Variants in FHIT observed in about 807,000 individuals in gnomAD.
FHIT encodes the protein bis(5'-adenosyl)-triphosphatase.
In FHIT, 19 loss-of-function variants were observed where a neutral mutation model predicts 17.9. The ratio of observed to expected loss-of-function variants is 1.06; its 90% confidence interval spans 0.74 to 1.56. The LOEUF (loss-of-function observed/expected upper bound fraction) is 1.56, where lower values mean the gene tolerates loss of function less well. FHIT is among the 40% of genes most tolerant of loss of function. The pLI is 0.00. For missense variants in FHIT, 248 were observed against 189.2 expected (o/e 1.31, Z -1.82); for synonymous variants, 81 against 69.7 (o/e 1.16, Z -0.81).
intron 3 of FHIT, among the ~76,000 whole-genome samples, chr3:60,849,808 CTCCAAGGA>C (rs1703077635): frequency 6.6e-6 from 1 of 151,908 alleles, no homozygotes. Flanking sequence ...TCCCATGTCT[CTCCAAGGA>C]GCAATTCCTA....
intron 5 of FHIT, among the ~76,000 whole-genome samples, chr3:60,441,769 T>TACACACACAC (rs1491410831): frequency 3.4e-5 from 1 of 29,616 alleles, no homozygotes; most frequent in African/African-American, 6.7e-5. Context: ...TATATATATA[T>TACACACACAC]TTATATGTAT....
chr3:59,756,150 T>C (rs556832207), intron 8 of FHIT, among the ~76,000 whole-genome samples: 1 of 152,194 alleles, frequency 6.6e-6, no homozygotes, highest in Admixed American at 6.5e-5. Context: ...ACAGAGGTTG[T>C]TTCTAGGAGT....
chr3:60,267,349 C>T (rs962775206), intron 5 of FHIT, among the ~76,000 whole-genome samples: 1 of 151,784 alleles, frequency 6.6e-6, no homozygotes, highest in Non-Finnish European at 1.5e-5. Flanking sequence ...GAAATGCTTG[C>T]AAATTGCATA....
intron 5 of FHIT, among the ~76,000 whole-genome samples, chr3:60,024,226 T>G (rs568075488): frequency 6.6e-6 from 1 of 152,190 alleles, no homozygotes; most frequent in African/African-American, 2.4e-5. Context: ...CTAATGTTAA[T>G]AGAAACATCC....
chr3:60,654,062 C>T (rs2040059397), intron 4 of FHIT, among the ~76,000 whole-genome samples: 1 of 151,344 alleles, frequency 6.6e-6, no homozygotes, highest in South Asian at 2.1e-4. Flanking sequence ...TGTAGCACCT[C>T]GCTTCCCCAC....
chr3:60,859,493 G>A (rs1703528856), intron 3 of FHIT, among the ~76,000 whole-genome samples: 1 of 151,974 alleles, frequency 6.6e-6, no homozygotes, highest in South Asian at 2.1e-4. Flanking sequence ...GGGTCCAAAT[G>A]ACTGAGTTCC....
rs13069423 is a variant in FHIT at position 59,747,346 on chromosome 3, A to G, written c.*2239T>C. On this transcript the variant is annotated 3_prime_UTR_variant, in exon 10 of 10. Transcript: ENST00000492590. ...GAAGGCAAAAGAGGAGCAAAGCCAC[A>G]TCTTACATGGCAGCAGGCAAGACAG... is the stretch of plus-strand genomic sequence containing the variant. 0.048 allele frequency among the ~76,000 whole-genome samples: 7,298 copies of G among 152,182 alleles called. 256 individuals are homozygous for G. Among genetic ancestry groups the G allele is most frequent in the East Asian group, 0.17 (872 of 5,132 alleles).
At chr3:60,114,489 C>CATTTTTTTTTT (rs1704860358) in intron 5 of FHIT, among the ~76,000 whole-genome samples, 1 of 61,602 alleles carries the variant, frequency 1.6e-5, no homozygotes, top group Non-Finnish European at 2.9e-5. Context: ...AAGAGAAATC[C>CATTTTTTTTTT]TTTTTTTTTT....
chr3:60,144,169 T>C (rs1700143829), intron 5 of FHIT, among the ~76,000 whole-genome samples: 1 of 152,184 alleles, frequency 6.6e-6, no homozygotes, highest in African/African-American at 2.4e-5. Flanking sequence ...CTATCCAGCA[T>C]CCATACGGCA....
At chr3:59,983,721 A>G (rs1483252331) in intron 7 of FHIT, among the ~76,000 whole-genome samples, 1 of 152,100 alleles carries the variant, frequency 6.6e-6, no homozygotes, top group Non-Finnish European at 1.5e-5. Flanking sequence ...CTGGCTGTGG[A>G]AGGTGGCCTC....
chr3:60,521,756 T>A (rs1451883464), intron 5 of FHIT, among the ~76,000 whole-genome samples: 1 of 152,194 alleles, frequency 6.6e-6, no homozygotes, highest in African/African-American at 2.4e-5. Flanking sequence ...CTAAAATACA[T>A]TTCTCCAATT....
chr3:60,694,958 T>C (rs1330108117), intron 4 of FHIT, among the ~76,000 whole-genome samples: 2 of 152,192 alleles, frequency 1.3e-5, no homozygotes, highest in East Asian at 1.9e-4. Flanking sequence ...ATATACCTAA[T>C]GTAAATGACG....
intron 5 of FHIT, among the ~76,000 whole-genome samples, chr3:60,067,075 A>G (rs1702547054): frequency 6.6e-6 from 1 of 152,124 alleles, no homozygotes; most frequent in Non-Finnish European, 1.5e-5. Context: ...CCTGTCCCCC[A>G]AATGCACAGC....
intron 4 of FHIT, among the ~76,000 whole-genome samples, chr3:60,577,633 T>G (rs2037613341): frequency 1.3e-5 from 2 of 152,156 alleles, no homozygotes; most frequent in African/African-American, 4.8e-5. Flanking sequence ...AAAAAATTGT[T>G]TGCACACTGA....
At chr3:61,137,154 G>T (rs542641436) in intron 2 of FHIT, among the ~76,000 whole-genome samples, 1 of 151,828 alleles carries the variant, frequency 6.6e-6, no homozygotes, top group Non-Finnish European at 1.5e-5. Flanking sequence ...CAGACTCTTT[G>T]TGGCACAGTC....
At chr3:60,332,427 T>C (rs1473544075) in intron 5 of FHIT, among the ~76,000 whole-genome samples, 1 of 152,162 alleles carries the variant, frequency 6.6e-6, no homozygotes, top group Non-Finnish European at 1.5e-5. Flanking sequence ...GCAGACAGTA[T>C]CATCACAGAA....
At chr3:61,007,353 C>CA (rs1205947786) in intron 3 of FHIT, among the ~76,000 whole-genome samples, 1 of 152,168 alleles carries the variant, frequency 6.6e-6, no homozygotes, top group Non-Finnish European at 1.5e-5. Flanking sequence ...TTTCATCTGC[C>CA]ATGTTTAATT....
At chr3:59,984,080 C>T (rs943202600) in intron 7 of FHIT, among the ~76,000 whole-genome samples, 3 of 152,096 alleles carry the variant, frequency 2.0e-5, no homozygotes, top group African/African-American at 7.2e-5. Flanking sequence ...CACACTATCC[C>T]TAATATTCCA....
At chr3:60,248,072 A>G (rs1400983403) in intron 5 of FHIT, among the ~76,000 whole-genome samples, 3 of 152,176 alleles carry the variant, frequency 2.0e-5, no homozygotes, top group African/African-American at 7.2e-5. Flanking sequence ...ACTTATAACC[A>G]TATCTAAAAA....
Sources: gnomAD v4.1 joint callset for allele counts (sites outside exome capture counted in the v4.1 genomes callset) on GRCh38, gnomAD v4.1.1 for gene constraint, MANE v1.5 for transcripts, NCBI Gene and HGNC (gene_info 2026-07-23, HGNC 2026-07-21) for gene names.